The following FAM167A variants were observed in gnomAD, a reference collection of about 807,000 sequenced individuals.
FAM167A encodes the protein family with sequence similarity 167 member A, also known as protein FAM167A.
Under a neutral mutation model 14.9 loss-of-function variants are expected in FAM167A, and 23 were observed. The ratio of observed to expected loss-of-function variants is 1.55; its 90% confidence interval spans 1.11 to 2.19. The LOEUF (loss-of-function observed/expected upper bound fraction) is 2.19. Among genes scored for constraint, FAM167A ranks in the 30% most tolerant of loss-of-function variants. FAM167A has a pLI of 0.00. For missense variants in FAM167A, 401 were observed against 281.5 expected (o/e 1.42, Z -3.04); for synonymous variants, 174 against 117.7 (o/e 1.48, Z -3.10).
intron 1 of FAM167A, among the ~76,000 whole-genome samples, chr8:11,461,708 T>C (rs756526703): frequency 6.6e-6 from 1 of 152,214 alleles, no homozygotes; most frequent in Non-Finnish European, 1.5e-5. Flanking sequence ...CTAGGACTAT[T>C]TGAATCCACA....
rs1321250036 is a variant in FAM167A, at chr8:11,421,940, AG to A, written c.*2432del. On this transcript the variant is annotated 3_prime_UTR_variant, in exon 3 of 3. Transcript: ENST00000284486. ...GTGGTTAGTTGTGTTCACTGTGCAA[AG>A]TAAGGAAGCCAGTCAACACTGGACG... 2.5e-6 allele frequency: 1 copy of A among 398,006 alleles called. No homozygotes were observed. Among genetic ancestry groups the A allele is most frequent in the Non-Finnish European group, 4.4e-6 (1 of 225,944 alleles). The allele number at this position is 398,006 out of a possible 1,614,324, so 24.7% of individuals were successfully genotyped here.
chr8:11,426,119 T>A (rs1381932927), intron 2 of FAM167A, among the ~76,000 whole-genome samples: 1 of 152,240 alleles, frequency 6.6e-6, no homozygotes, highest in Non-Finnish European at 1.5e-5. Context: ...TTCTTTCTAC[T>A]GACTTCAAGT....
At chr8:11,459,946 T>C (rs1807472967) in intron 1 of FAM167A, among the ~76,000 whole-genome samples, 1 of 152,222 alleles carries the variant, frequency 6.6e-6, no homozygotes, top group South Asian at 2.1e-4. Flanking sequence ...CAGGCTGGTC[T>C]TGAACTCCTG....
At position 11,426,167 on chromosome 8, in the gene FAM167A, TA is replaced by T. The variant is rs1201645085; in HGVS notation, c.382-1532del. 7.2e-5 allele frequency among the ~76,000 whole-genome samples: 11 copies of T among 152,184 alleles called. 1 individual carries two copies. The East Asian group carries it at 2.1e-3, about 29-fold the overall frequency. Reference sequence around the variant, plus strand: ...CTTAACTCTTTCAATCAACTGGCAATAAAAATATCTTTGAATCTACCTAAGA... The same window carrying T: ...CTTAACTCTTTCAATCAACTGGCAATAAAATATCTTTGAATCTACCTAAGA... On this transcript the variant is annotated intron_variant, in intron 2 of 2. Transcript: ENST00000284486.
intron 1 of FAM167A, among the ~76,000 whole-genome samples, chr8:11,450,442 T>C (rs1451099938): frequency 1.3e-5 from 2 of 152,232 alleles, no homozygotes; most frequent in East Asian, 1.9e-4. Flanking sequence ...GACTGAGGCA[T>C]AGACAGGTTC....
At chr8:11,426,171 AAT>A (rs1805129354) in intron 2 of FAM167A, among the ~76,000 whole-genome samples, 1 of 152,160 alleles carries the variant, frequency 6.6e-6, no homozygotes. Context: ...TGGCAATAAA[AAT>A]ATCTTTGAAT....
chr8:11,428,220 G>C (rs1805320018), intron 2 of FAM167A, among the ~76,000 whole-genome samples: 1 of 152,238 alleles, frequency 6.6e-6, no homozygotes, highest in Non-Finnish European at 1.5e-5. Context: ...GACTATCTGT[G>C]AGACGCAGGC....
chr8:11,441,057 A>AGCCT (rs1806405631), intron 2 of FAM167A, among the ~76,000 whole-genome samples: 1 of 152,248 alleles, frequency 6.6e-6, no homozygotes. Context: ...CTGCACGTCC[A>AGCCT]GCCTGCCTGC....
intron 2 of FAM167A, among the ~76,000 whole-genome samples, chr8:11,436,883 G>T (rs1806055202): frequency 6.6e-6 from 1 of 152,214 alleles, no homozygotes; most frequent in African/African-American, 2.4e-5. Flanking sequence ...TCAAGGGAGG[G>T]AGAGCTGAGG....
At chr8:11,471,668 T>G (rs1269271113), upstream of FAM167A, among the ~76,000 whole-genome samples, 1 of 152,222 alleles carries the variant, frequency 6.6e-6, no homozygotes, top group Non-Finnish European at 1.5e-5. Flanking sequence ...GCGAGAGGGC[T>G]GCCTGGGCTG....
chr8:11,460,502 C>T (rs914327772), intron 1 of FAM167A, among the ~76,000 whole-genome samples: 1 of 152,362 alleles, frequency 6.6e-6, no homozygotes, highest in East Asian at 1.9e-4. Context: ...CCGACTCGCC[C>T]ACGTTTCCCT....
At chr8:11,461,774 G>A (rs1173477420) in intron 1 of FAM167A, among the ~76,000 whole-genome samples, 1 of 152,236 alleles carries the variant, frequency 6.6e-6, no homozygotes, top group Non-Finnish European at 1.5e-5. Context: ...AGCTCAAGGG[G>A]GGATTTGTCC....
chr8:11,458,458 T>C (rs189215346), intron 1 of FAM167A, among the ~76,000 whole-genome samples: 8 of 152,244 alleles, frequency 5.3e-5, no homozygotes, highest in Admixed American at 2.6e-4. Context: ...TGGGCATCAC[T>C]CCTGTCTAAT....
intron 1 of FAM167A, among the ~76,000 whole-genome samples, chr8:11,451,460 C>T (rs972066867): frequency 1.3e-5 from 2 of 152,254 alleles, no homozygotes; most frequent in Admixed American, 1.3e-4. Context: ...TATTAAAGAG[C>T]ACAGTGGATG....
At chr8:11,434,439 C>G (rs1268113512) in intron 2 of FAM167A, among the ~76,000 whole-genome samples, 1 of 152,160 alleles carries the variant, frequency 6.6e-6, no homozygotes, top group Non-Finnish European at 1.5e-5. Context: ...CTGAGCCAGG[C>G]CTCCAGGGAT....
At chr8:11,435,788 C>G (rs1267621363) in intron 2 of FAM167A, among the ~76,000 whole-genome samples, 1 of 152,236 alleles carries the variant, frequency 6.6e-6, no homozygotes, top group Non-Finnish European at 1.5e-5. Context: ...TACCCACTTA[C>G]TGATAATAAT....
Position 11,444,207 on chromosome 8 carries a change from C to T in FAM167A, c.205G>A (p.Ala69Thr), listed in dbSNP as rs766762331. The change falls in exon 2 of 3, where the codon GCG (alanine) becomes ACG (threonine). Residue 69 changes from alanine (A) to threonine (T), a missense_variant. Transcript: ENST00000284486. Reference protein sequence around the residue: ...PFPRPAAEPQASLEEGERGGQ... With the variant: ...PFPRPAAEPQTSLEEGERGGQ... ...CCACGCTCCCCCTCCTCCAAGCTCG[C>T]CTGTGGCTCCGCAGCCGGCCTCGGG... 8.1e-6 allele frequency: 13 copies of T among 1,612,886 alleles called. No homozygotes were observed. Among genetic ancestry groups the T allele is most frequent in the Non-Finnish European group, 5.9e-6 (7 of 1,179,848 alleles).
At chr8:11,470,281 G>C (rs921496265), upstream of FAM167A, among the ~76,000 whole-genome samples, 2 of 152,120 alleles carry the variant, frequency 1.3e-5, no homozygotes, top group African/African-American at 4.8e-5. Context: ...AAAGATTTGA[G>C]GGAGACGATG....
At chr8:11,435,200 C>T in intron 2 of FAM167A, 1 of 448,878 alleles carries the variant, frequency 2.2e-6, no homozygotes, top group South Asian at 1.6e-5. Context: ...GTTCTGTCCC[C>T]TCCCCTGTGG....
Sources: gnomAD v4.1 joint callset for allele counts (sites outside exome capture counted in the v4.1 genomes callset) on GRCh38, gnomAD v4.1.1 for gene constraint, MANE v1.5 for transcripts, NCBI Gene and HGNC (gene_info 2026-07-23, HGNC 2026-07-21) for gene names.